The following SLF1 variants were observed in gnomAD, a reference collection of about 807,000 sequenced individuals.
SLF1 encodes SMC5-SMC6 complex localization factor protein 1.
Under a neutral mutation model 123.0 loss-of-function variants are expected in SLF1, and 105 were observed. The observed-to-expected ratio is 0.85, with a 90% CI of 0.73 to 1.00. SLF1 has a LOEUF of 1.00. Among genes scored for constraint, SLF1 ranks in the 50% least tolerant of loss-of-function variants. The pLI is 0.00. For missense variants in SLF1, 1,239 were observed against 1,223.0 expected, an observed-to-expected ratio of 1.01 and a Z score of -0.20; for synonymous variants, 434 against 406.6, an observed-to-expected ratio of 1.07 and a Z score of -0.81.
At chr5:94,684,697 CAAAAAAAA>C (rs397882900) in intron 15 of SLF1, among the ~76,000 whole-genome samples, 86 of 68,840 alleles carry the variant, frequency 1.2e-3, no homozygotes, top group African/African-American at 4.6e-3. Flanking sequence ...GACTCTGTCT[CAAAAAAAA>C]AAAAAAAAAA....
chr5:94,694,879 A>G lies in SLF1; in HGVS notation c.2744A>G (p.Asp915Gly). 6.2e-7 allele frequency: 1 copy of G among 1,607,184 alleles called. No individual in the cohort carries two copies. The highest frequency in any genetic ancestry group is 1.1e-5 in the South Asian group (1 of 89,654). ...AATGCTAAGGGAGAATTGCCCTTGG[A>G]TTATGTGGTTTCACCTCAAATCAAA... The part of the protein sequence containing the change: ...QRNAKGELPL[D>G]YVVSPQIKEE... The change falls in exon 21 of 21, where the codon GAT becomes GGT. Residue 915 changes from aspartate (D) to glycine (G), a missense_variant. Asp to Gly is a moderately conservative substitution (Grantham distance 94). Transcript: ENST00000265140.
At chr5:94,673,684 T>C (rs1750725313) in intron 14 of SLF1, among the ~76,000 whole-genome samples, 1 of 128,674 alleles carries the variant, frequency 7.8e-6, no homozygotes, top group African/African-American at 3.1e-5. Context: ...AGTGAGACCT[T>C]GTCTCTTAAA....
Position 94,665,919 on chromosome 5 carries a change from T to C in SLF1, c.1427T>C (p.Leu476Pro), listed in dbSNP as rs2152487912. Reference sequence around the variant, plus strand: ...CATATATTGTCAGCTCTTCTTCACCTGCATCCTCCTTGGAAGTCTCCAGCC... The same window carrying C: ...CATATATTGTCAGCTCTTCTTCACCCGCATCCTCCTTGGAAGTCTCCAGCC... Reference protein sequence around the residue: ...YFHILSALLHLHPPWKSPAMS... With the variant: ...YFHILSALLHPHPPWKSPAMS... The change falls in exon 12 of 21, where the codon CTG (leucine) becomes CCG (proline). Residue 476 changes from leucine to proline, a missense_variant. By Grantham distance (98) the Leu-to-Pro change is moderately conservative (BLOSUM62 -3). Coordinates refer to ENST00000265140, the MANE Select transcript of SLF1 (RefSeq NM_032290.4). 6.4e-7 allele frequency: 1 copy of C among 1,550,814 alleles called. No homozygotes were observed. The highest frequency in any genetic ancestry group is 2.4e-5 in the East Asian group (1 of 40,902).
Position 94,695,179 on chromosome 5 carries a change from T to A in SLF1, c.3044T>A (p.Ile1015Lys), listed in dbSNP as rs967971107. 1.2e-6 allele frequency: 2 copies of A among 1,612,716 alleles called. No homozygotes were observed. Among genetic ancestry groups the A allele is most frequent in the Non-Finnish European group, 1.7e-6 (2 of 1,179,122 alleles). ...DWLLDLYAGN[I>K]KTLQKLPHIL... ...TTACTGGATCTTTATGCTGGAAATA[T>A]AAAGACATTGCAGAAACTCCCACAC... The change falls in exon 21 of 21, where the codon ATA (isoleucine) becomes AAA (lysine). Residue 1015 changes from isoleucine (I) to lysine (K), a missense_variant. Transcript: ENST00000265140.
At chr5:94,673,555 T>G (rs1336217523) in intron 14 of SLF1, among the ~76,000 whole-genome samples, 2 of 151,928 alleles carry the variant, frequency 1.3e-5, no homozygotes, top group Non-Finnish European at 2.9e-5. Context: ...GATGTAGTGG[T>G]GTGCACATGT....
intron 18 of SLF1, among the ~76,000 whole-genome samples, chr5:94,689,825 T>G (rs1315407424): frequency 2.0e-5 from 3 of 152,202 alleles, no homozygotes; most frequent in Non-Finnish European, 4.4e-5. Flanking sequence ...CTTTCCTTTT[T>G]TTCCTCTCCC....
At chr5:94,684,001 T>A (rs985860378) in intron 15 of SLF1, among the ~76,000 whole-genome samples, 1 of 152,218 alleles carries the variant, frequency 6.6e-6, no homozygotes, top group African/African-American at 2.4e-5. Context: ...CATCTATTAT[T>A]TTTTATTCCC....
At chr5:94,628,080 G>A (rs900025582) in intron 1 of SLF1, among the ~76,000 whole-genome samples, 2 of 152,028 alleles carry the variant, frequency 1.3e-5, no homozygotes, top group Non-Finnish European at 2.9e-5. Context: ...GCCCGCCTCG[G>A]CCTCCCAAAG....
intron 15 of SLF1, among the ~76,000 whole-genome samples, chr5:94,679,438 T>A (rs199997524): frequency 6.3e-5 from 7 of 110,574 alleles, no homozygotes; most frequent in East Asian, 4.2e-4. Flanking sequence ...TAAAAAAAAA[T>A]TTAAAAATTT....
chr5:94,685,425 G>T (rs1402778721), intron 15 of SLF1, among the ~76,000 whole-genome samples: 1 of 151,368 alleles, frequency 6.6e-6, no homozygotes, highest in Non-Finnish European at 1.5e-5. Context: ...TTTTTATATT[G>T]TTTGTAATTT....
chr5:94,695,547 T>C lies in SLF1; in HGVS notation c.*235T>C, dbSNP rs912208739. 7 of 279,444 alleles carry C rather than the reference T, an allele frequency of 2.5e-5. No individual in the cohort carries two copies. Among genetic ancestry groups the C allele is most frequent in the Admixed American group, 4.9e-5 (1 of 20,480 alleles). 17.3% of individuals were successfully genotyped at this position (279,444 alleles called of 1,614,324 possible). On this transcript the variant is annotated 3_prime_UTR_variant, in exon 21 of 21. Coordinates refer to ENST00000265140, the MANE Select transcript of SLF1 (RefSeq NM_032290.4). ...AAAAGTAAAAATAATTTTGTTTTAG[T>C]ATATTCTACTTTCATTAATGTTTTT... is the stretch of plus-strand genomic sequence containing the variant.
intron 20 of SLF1, among the ~76,000 whole-genome samples, chr5:94,694,001 A>G (rs1343315268): frequency 6.6e-6 from 1 of 151,844 alleles, no homozygotes; most frequent in Non-Finnish European, 1.5e-5. Flanking sequence ...AATATGATCT[A>G]TGTTATAATT....
intron 18 of SLF1, among the ~76,000 whole-genome samples, chr5:94,690,164 A>T (rs962087607): frequency 2.6e-5 from 4 of 152,196 alleles, no homozygotes; most frequent in African/African-American, 9.6e-5. Flanking sequence ...ATAATAATTC[A>T]CTTTGGCACC....
Position 94,694,976 on chromosome 5 carries a change from T to G in SLF1, c.2841T>G (p.Phe947Leu), listed in dbSNP as rs1753426140. ...ENFHAQAEKH[F>L]HYQQLEFGSF... Reference sequence around the variant, plus strand: ...TTCATGCACAAGCAGAGAAACATTTTCATTACCAGCAACTTGAATTTGGCT... The same window carrying G: ...TTCATGCACAAGCAGAGAAACATTTGCATTACCAGCAACTTGAATTTGGCT... The change falls in exon 21 of 21, where the codon TTT becomes TTG. Residue 947 changes from phenylalanine to leucine, a missense_variant. By Grantham distance (22) the Phe-to-Leu change is conservative. Coordinates refer to ENST00000265140, the MANE Select transcript of SLF1 (RefSeq NM_032290.4). The G allele has an allele frequency of 1.9e-6, 3 of 1,612,610 alleles. No individual in the cohort carries two copies. Among genetic ancestry groups the G allele is most frequent in the Non-Finnish European group, 2.5e-6 (3 of 1,179,174 alleles).
intron 12 of SLF1, among the ~76,000 whole-genome samples, chr5:94,668,821 C>T (rs1040325701): frequency 6.6e-6 from 1 of 152,168 alleles, no homozygotes. Context: ...CACTTTCTTA[C>T]TCTTGACCTT....
At chr5:94,677,978 T>A (rs1440651606) in intron 14 of SLF1, among the ~76,000 whole-genome samples, 2 of 151,940 alleles carry the variant, frequency 1.3e-5, no homozygotes, top group Non-Finnish European at 2.9e-5. Flanking sequence ...TGGAGTGCAG[T>A]GGCACAATCT....
intron 19 of SLF1, among the ~76,000 whole-genome samples, 160 bp from the exon 20 acceptor site, chr5:94,691,914 G>T (rs1191120376): frequency 6.6e-6 from 1 of 151,852 alleles, no homozygotes; most frequent in Non-Finnish European, 1.5e-5. Flanking sequence ...AATTTTTTAA[G>T]GTAGAAATAT....
chr5:94,690,932 C>CTGTGTG (rs3084537), intron 18 of SLF1, among the ~76,000 whole-genome samples: 28 of 144,680 alleles, frequency 1.9e-4, no homozygotes, highest in African/African-American at 5.6e-4. Flanking sequence ...GTGTGTGTGT[C>CTGTGTG]TGTGTGTGTG....
chr5:94,666,953 CTTTTTTTT>C (rs34215806), intron 12 of SLF1, among the ~76,000 whole-genome samples: 3 of 104,618 alleles, frequency 2.9e-5, no homozygotes, highest in Non-Finnish European at 3.7e-5. Flanking sequence ...CTGGGAAGAT[CTTTTTTTT>C]TTTTTTTTTT....
Sources: gnomAD v4.1 joint callset for allele counts (sites outside exome capture counted in the v4.1 genomes callset) on GRCh38, gnomAD v4.1.1 for gene constraint, MANE v1.5 for transcripts, NCBI Gene and HGNC (gene_info 2026-07-23, HGNC 2026-07-21) for gene names.